Variants in PHLPP1 observed in about 807,000 individuals in gnomAD.
PHLPP1 encodes the protein PH domain leucine-rich repeat-containing protein phosphatase 1.
A neutral mutation model predicts 117.2 loss-of-function variants in PHLPP1; 42 were observed. The ratio of observed to expected loss-of-function variants is 0.36; its 90% CI spans 0.28 to 0.46. The LOEUF is 0.46. Among genes scored for constraint, PHLPP1 ranks in the 20% least tolerant of loss-of-function variants. The pLI, the probability that PHLPP1 is intolerant of heterozygous loss-of-function variation, is 1.00. For missense variants in PHLPP1, 2,084 were observed against 2,241.9 expected, an observed-to-expected ratio of 0.93 and a Z score of 1.42; for synonymous variants, 1,042 against 970.7, an observed-to-expected ratio of 1.07 and a Z score of -1.37.
chr18:62,715,778 CA>C lies in PHLPP1; in HGVS notation c.96del (p.Ala33GlnfsTer23). 1 of 903,122 alleles carries C rather than the reference CA, an allele frequency of 1.1e-6. No individual in the cohort carries two copies. Among genetic ancestry groups the C allele is most frequent in the Non-Finnish European group, 1.4e-6 (1 of 735,576 alleles). 55.9% of individuals were successfully genotyped at this position (903,122 alleles called of 1,614,324 possible). A position where few individuals can be genotyped will look rare whatever the true frequency, so the allele number is the denominator to read the frequency against. ...CCGGCGGCCGCCGCTGCGGCAGCAG[CA>C]GCAGCAGCGGCGGCCGCGGCGGCTC... ...SAPAAAAAAA[A>X]AAAAAAAALA... is the part of the protein sequence containing the mutation. On this transcript the variant is annotated frameshift_variant, in exon 1 of 17. Coordinates refer to ENST00000262719, the MANE Select transcript of PHLPP1 (RefSeq NM_194449.4). LOFTEE classifies it high-confidence loss of function.
At chr18:62,949,954 A>G (rs1910405339) in intron 12 of PHLPP1, among the ~76,000 whole-genome samples, 1 of 152,240 alleles carries the variant, frequency 6.6e-6, no homozygotes, top group Non-Finnish European at 1.5e-5. Flanking sequence ...ATTAGTTAAT[A>G]GTGACCTATT....
chr18:62,717,724 C>T (rs183046945), intron 1 of PHLPP1, among the ~76,000 whole-genome samples: 277 of 152,214 alleles, frequency 1.8e-3, no homozygotes, highest in African/African-American at 6.5e-3. Context: ...TATGTGCCAC[C>T]GGGAGCTCCT....
chr18:62,846,064 C>A (rs1915171583), intron 3 of PHLPP1, among the ~76,000 whole-genome samples: 1 of 151,900 alleles, frequency 6.6e-6, no homozygotes, highest in South Asian at 2.1e-4. Context: ...AAAAAATTAG[C>A]CAGGCATGGT....
At chr18:62,845,553 T>C (rs1174812066) in intron 3 of PHLPP1, among the ~76,000 whole-genome samples, 2 of 152,202 alleles carry the variant, frequency 1.3e-5, no homozygotes, top group African/African-American at 2.4e-5. Context: ...AACTAATCAA[T>C]TGAGTCAAAT....
chr18:62,903,101 G>C lies in PHLPP1; in HGVS notation c.2582G>C (p.Arg861Thr), dbSNP rs755842787. Residue 861 changes from arginine (R) to threonine (T), a missense_variant, in exon 7 of 17, where the codon AGG becomes ACG. Around this residue, in one of 2 missense-constraint regions of PHLPP1, gnomAD observed 1,365 missense variants for 1,605.9 expected, o/e 0.85. Transcript: ENST00000262719. ...AACATTGAAGTTTTACACTGTGAAAGGAATCAACTGGTCACATTAGACATC... is the reference window on the plus strand; with the variant it reads ...AACATTGAAGTTTTACACTGTGAAACGAATCAACTGGTCACATTAGACATC... ...FNNIEVLHCE[R>T]NQLVTLDICG... 1 of 1,613,684 alleles carries C rather than the reference G, an allele frequency of 6.2e-7. No homozygotes were observed. Among genetic ancestry groups the C allele is most frequent in the Non-Finnish European group, 8.5e-7 (1 of 1,179,776 alleles).
intron 1 of PHLPP1, among the ~76,000 whole-genome samples, chr18:62,768,404 G>A (rs950541551): frequency 1.4e-4 from 21 of 152,098 alleles, no homozygotes; most frequent in African/African-American, 5.1e-4. Context: ...ATTGAAAACA[G>A]CTCAACAGTG....
chr18:62,942,115 C>T (rs1011515835), intron 11 of PHLPP1, among the ~76,000 whole-genome samples, 197 bp downstream of exon 11: 4 of 152,118 alleles, frequency 2.6e-5, no homozygotes, highest in African/African-American at 9.7e-5. Context: ...CATATGTGTC[C>T]AAAGACCTAA....
chr18:62,763,109 G>A (rs1912311881), intron 1 of PHLPP1, among the ~76,000 whole-genome samples: 1 of 152,166 alleles, frequency 6.6e-6, no homozygotes, highest in Admixed American at 6.5e-5. Flanking sequence ...TTCCCCGTAT[G>A]ACTCAGTTAC....
At chr18:62,827,403 A>C (rs1394830581) in intron 1 of PHLPP1, among the ~76,000 whole-genome samples, 1 of 152,204 alleles carries the variant, frequency 6.6e-6, no homozygotes, top group Non-Finnish European at 1.5e-5. Flanking sequence ...TGAGTTGAGA[A>C]TTTTGAGAAT....
chr18:62,720,960 C>G (rs972361414), intron 1 of PHLPP1, among the ~76,000 whole-genome samples: 3 of 152,094 alleles, frequency 2.0e-5, no homozygotes, highest in Admixed American at 1.3e-4. Flanking sequence ...TCTGACTCGT[C>G]GTATTTCCGT....
chr18:62,761,818 G>A (rs1912251512), intron 1 of PHLPP1, among the ~76,000 whole-genome samples: 1 of 151,996 alleles, frequency 6.6e-6, no homozygotes, highest in Non-Finnish European at 1.5e-5. Context: ...ATGTTGGCCA[G>A]GTTGGTCTTG....
chr18:62,916,747 C>CTTTTTTT lies in PHLPP1; in HGVS notation c.2804+1757_2804+1763dup, dbSNP rs10538704. 2.9e-3 allele frequency among the ~76,000 whole-genome samples: 204 copies of CTTTTTTT among 71,038 alleles called. 3 individuals carry two copies. Among genetic ancestry groups the CTTTTTTT allele is most frequent in the African/African-American group, 3.7e-3 (62 of 16,796 alleles). The allele number at this position is 71,038 out of a possible 152,430, so 46.6% of individuals were successfully genotyped here. On this transcript the variant is annotated intron_variant, in intron 9 of 16. Coordinates refer to ENST00000262719, the MANE Select transcript of PHLPP1 (RefSeq NM_194449.4). ...TTCTTCTATTTTCTTTCCTTCTATT[C>CTTTTTTT]TTTTTTTTTTTTTTTTTTTTTTTTG...
chr18:62,944,429 A>G (rs1225887851), intron 11 of PHLPP1, among the ~76,000 whole-genome samples: 1 of 152,266 alleles, frequency 6.6e-6, no homozygotes, highest in Non-Finnish European at 1.5e-5. Context: ...AATTAATTAC[A>G]TTAGAACATA....
chr18:62,894,992 TTTTGC>T lies in PHLPP1; in HGVS notation c.2067-15_2067-11del. 1 of 1,570,188 alleles carries T rather than the reference TTTTGC, an allele frequency of 6.4e-7. No homozygotes were observed. Among genetic ancestry groups the T allele is most frequent in the Non-Finnish European group, 8.7e-7 (1 of 1,151,544 alleles). Reference sequence around the variant, plus strand: ...ACATTTGTCTCTTTTTTCCCTTTTGTTTTGCTTTATTGTAATAGGTTCACCAAGTT... The same window carrying T: ...ACATTTGTCTCTTTTTTCCCTTTTGTTTTATTGTAATAGGTTCACCAAGTT... On this transcript the variant is annotated splice_polypyrimidine_tract_variant and intron_variant, in intron 4 of 16. Coordinates refer to ENST00000262719, the MANE Select transcript of PHLPP1 (RefSeq NM_194449.4).
At chr18:62,931,519 A>G (rs1415523548) in intron 10 of PHLPP1, among the ~76,000 whole-genome samples, 1 of 147,620 alleles carries the variant, frequency 6.8e-6, no homozygotes, top group Non-Finnish European at 1.5e-5. Flanking sequence ...ATTGAGACCA[A>G]AAAAAAAAAA....
intron 1 of PHLPP1, among the ~76,000 whole-genome samples, chr18:62,724,740 CATTCTAA>C (rs1911019447): frequency 6.6e-6 from 1 of 152,184 alleles, no homozygotes; most frequent in African/African-American, 2.4e-5. Flanking sequence ...TAGTTCTTTT[CATTCTAA>C]TCAGTGCTTT....
intron 10 of PHLPP1, among the ~76,000 whole-genome samples, chr18:62,937,243 G>A (rs1452917948): frequency 1.3e-5 from 2 of 152,250 alleles, no homozygotes; most frequent in Admixed American, 1.3e-4. Context: ...TGCTCAAGAA[G>A]CAGGAAATGG....
chr18:62,878,054 G>C (rs1916091567), intron 4 of PHLPP1, among the ~76,000 whole-genome samples: 1 of 152,170 alleles, frequency 6.6e-6, no homozygotes, highest in Non-Finnish European at 1.5e-5. Flanking sequence ...ATTGTATTCT[G>C]TCCACTTCCA....
rs72945565 is a variant in PHLPP1, at chr18:62,864,455, G to A, written c.2066+3854G>A. Among the ~76,000 whole-genome samples, 1,291 of 152,308 alleles carry A rather than the reference G, an allele frequency of 8.5e-3. 10 individuals are homozygous for A. Among genetic ancestry groups the A allele is most frequent in the Non-Finnish European group, 0.013 (906 of 68,038 alleles). On this transcript the variant is annotated intron_variant, in intron 4 of 16. Coordinates refer to ENST00000262719, the MANE Select transcript of PHLPP1 (RefSeq NM_194449.4). ...ACTATGAGGGCCTCTTGTATTCAAG[G>A]TAGAGAGGAGGTCAGTCACAAAGCG... is the stretch of plus-strand genomic sequence containing the variant.
Sources: allele counts gnomAD v4.1 joint callset (sites outside exome capture counted in the v4.1 genomes callset), GRCh38; gene constraint gnomAD v4.1.1; regional missense constraint gnomAD v4.1.1; transcripts MANE v1.5; gene names NCBI Gene and HGNC (gene_info 2026-07-23, HGNC 2026-07-21).